C10orf90: variants seen among roughly 807,000 people sequenced by gnomAD.
C10orf90 encodes the protein (E2-independent) E3 ubiquitin-conjugating enzyme FATS.
A neutral mutation model predicts 62.5 loss-of-function variants in C10orf90; 56 were observed. The observed-to-expected ratio is 0.90, with a 90% CI of 0.72 to 1.12. The LOEUF is 1.12. C10orf90 is among the 50% of genes most tolerant of loss of function. The pLI, the probability that C10orf90 is intolerant of heterozygous loss-of-function variation, is 0.00. For missense variants in C10orf90, 970 were observed against 880.4 expected, an observed-to-expected ratio of 1.10 and a Z score of -1.29; for synonymous variants, 386 against 340.4, an observed-to-expected ratio of 1.13 and a Z score of -1.47.
chr10:126,510,031 A>G (rs1318335041), intron 3 of C10orf90, among the ~76,000 whole-genome samples: 1 of 152,080 alleles, frequency 6.6e-6, no homozygotes, highest in Non-Finnish European at 1.5e-5. Context: ...GCATCTTTAC[A>G]CGGTCCTCCC....
At chr10:126,655,046 C>T (rs184261177) in intron 1 of C10orf90, among the ~76,000 whole-genome samples, 149 of 152,230 alleles carry the variant, frequency 9.8e-4, no homozygotes, top group East Asian at 5.2e-3. Context: ...TGAGGCCGGG[C>T]GCGGTGGCTC....
At chr10:126,513,654 C>T (rs1057233134) in intron 3 of C10orf90, among the ~76,000 whole-genome samples, 194 bp downstream of exon 3, 1 of 152,180 alleles carries the variant, frequency 6.6e-6, no homozygotes, top group Non-Finnish European at 1.5e-5. Context: ...TTCTAAGATG[C>T]TGCAAGCTTA....
intron 2 of C10orf90, among the ~76,000 whole-genome samples, chr10:126,600,270 C>T (rs1437351428): frequency 2.6e-5 from 4 of 152,186 alleles, no homozygotes; most frequent in Non-Finnish European, 4.4e-5. Flanking sequence ...CGTTGGCATG[C>T]GGAGTGCAGA....
At chr10:126,564,128 A>G (rs1486229408) in intron 2 of C10orf90, among the ~76,000 whole-genome samples, 1 of 152,144 alleles carries the variant, frequency 6.6e-6, no homozygotes, top group African/African-American at 2.4e-5. Context: ...GACATGGACC[A>G]GGAACAGGGC....
At chr10:126,561,822 C>T (rs921374677) in intron 2 of C10orf90, among the ~76,000 whole-genome samples, 3 of 152,068 alleles carry the variant, frequency 2.0e-5, no homozygotes, top group Non-Finnish European at 2.9e-5. Context: ...GCCTGCTGAG[C>T]GCCAGTCAAC....
At chr10:126,639,207 C>T (rs574312580) in intron 2 of C10orf90, among the ~76,000 whole-genome samples, 113 of 152,148 alleles carry the variant, frequency 7.4e-4, no homozygotes, top group Non-Finnish European at 8.2e-4. Flanking sequence ...TAGGCTTGAT[C>T]GGTGATTCAG....
At chr10:126,600,011 T>C (rs1015461756) in intron 2 of C10orf90, among the ~76,000 whole-genome samples, 2 of 152,270 alleles carry the variant, frequency 1.3e-5, no homozygotes, top group Non-Finnish European at 2.9e-5. Context: ...AATTTTCTTA[T>C]TGGCCACTGT....
At chr10:126,555,250 T>G (rs1864735222) in intron 2 of C10orf90, among the ~76,000 whole-genome samples, 1 of 152,098 alleles carries the variant, frequency 6.6e-6, no homozygotes. Flanking sequence ...GGATTGGGCT[T>G]TGGTAGCAGA....
intron 7 of C10orf90, among the ~76,000 whole-genome samples, chr10:126,458,165 A>G (rs895666157): frequency 3.9e-5 from 6 of 152,098 alleles, no homozygotes; most frequent in African/African-American, 1.4e-4. Flanking sequence ...GGCACCCAGA[A>G]TAAGATCTTG....
intron 2 of C10orf90, among the ~76,000 whole-genome samples, chr10:126,562,193 G>T (rs1012651413): frequency 1.3e-5 from 2 of 152,180 alleles, no homozygotes; most frequent in African/African-American, 4.8e-5. Flanking sequence ...GAGGGAGAAT[G>T]CGGCCCTCAT....
rs76147256 is a variant in C10orf90 at position 126,627,791 on chromosome 10, C to A, written c.313+18774G>T. 6.7e-3 allele frequency among the ~76,000 whole-genome samples: 1,013 copies of A among 152,288 alleles called. 4 individuals are homozygous for A. The highest frequency in any genetic ancestry group is 0.02 in the Middle Eastern group (6 of 294). ...ATTTTTTAGGCAGAGTCTTGCTATG[C>A]TATCCAGGTTGGTCTTGAAATTGTG... On this transcript the variant is annotated intron_variant, in intron 2 of 9. Transcript: ENST00000488181.
intron 2 of C10orf90, among the ~76,000 whole-genome samples, chr10:126,611,168 T>C (rs1022736518): frequency 6.6e-6 from 1 of 152,166 alleles, no homozygotes; most frequent in Non-Finnish European, 1.5e-5. Flanking sequence ...GCCACCTTAC[T>C]GTAAGCCAAC....
intron 2 of C10orf90, among the ~76,000 whole-genome samples, chr10:126,518,984 A>C (rs554815724): frequency 1.3e-5 from 2 of 152,288 alleles, no homozygotes; most frequent in South Asian, 4.1e-4. Flanking sequence ...CTGAGCTGAG[A>C]GATAAAGGTG....
chr10:126,641,973 G>A (rs551144671), intron 2 of C10orf90, among the ~76,000 whole-genome samples: 1 of 152,290 alleles, frequency 6.6e-6, no homozygotes, highest in South Asian at 2.1e-4. Context: ...AATGAAGGAT[G>A]CAGAAATGAA....
chr10:126,506,943 T>TGC (rs1307750688), intron 3 of C10orf90, among the ~76,000 whole-genome samples: 19 of 149,652 alleles, frequency 1.3e-4, no homozygotes, highest in East Asian at 4.0e-4. Flanking sequence ...TGTGTGTGTG[T>TGC]GCGTGCGTGT....
At position 126,482,049 on chromosome 10, in the gene C10orf90, C is replaced by G. The variant is rs190932234; in HGVS notation, c.1535-17063G>C. Among the ~76,000 whole-genome samples the G allele has an allele frequency of 1.6e-3, 238 of 152,268 alleles. 2 individuals carry two copies. The highest frequency in any genetic ancestry group is 5.1e-3 in the African/African-American group (211 of 41,536). On this transcript the variant is annotated intron_variant, in intron 4 of 9. Coordinates refer to ENST00000488181, the MANE Select transcript of C10orf90 (RefSeq NM_001350921.2). ...CCCAGTCTATTACCATTGGCTCATA[C>G]TTTTTTTGTCCAATCACATTTCTAC... is the stretch of plus-strand genomic sequence containing the variant.
At chr10:126,493,660 T>C (rs1861883470) in intron 4 of C10orf90, among the ~76,000 whole-genome samples, 1 of 152,126 alleles carries the variant, frequency 6.6e-6, no homozygotes, top group African/African-American at 2.4e-5. Context: ...CTGGCTGTGT[T>C]TTGCTTTTTC....
At position 126,426,206 on chromosome 10, in the gene C10orf90, T is replaced by C. The variant is rs552349249; in HGVS notation, c.2253-116A>G. The C allele has an allele frequency of 2.2e-4, 179 of 829,046 alleles. 1 individual carries two copies. The East Asian group carries it at 3.9e-3, about 18-fold the overall frequency. 51.4% of individuals were successfully genotyped at this position (829,046 alleles called of 1,614,324 possible). A position where few individuals can be genotyped will look rare whatever the true frequency, so the allele number is the denominator to read the frequency against. On this transcript the variant is annotated intron_variant, in intron 8 of 9. Coordinates refer to ENST00000488181, the MANE Select transcript of C10orf90 (RefSeq NM_001350921.2). The stretch of plus-strand genomic sequence containing the variant: ...ATTTCAAAGAGAAGATCGCTGCTTA[T>C]GGGCTAGCTCACAACTGTAGGATGC...
chr10:126,489,941 A>G (rs544034430), intron 4 of C10orf90, among the ~76,000 whole-genome samples: 88 of 137,858 alleles, frequency 6.4e-4, no homozygotes, highest in African/African-American at 1.7e-3. Context: ...AGAGGGGAAT[A>G]TATGCCACAT....
Sources: gnomAD v4.1 joint callset for allele counts (sites outside exome capture counted in the v4.1 genomes callset) on GRCh38, gnomAD v4.1.1 for gene constraint, MANE v1.5 for transcripts, NCBI Gene and HGNC (gene_info 2026-07-23, HGNC 2026-07-21) for gene names.